Variants in KIAA1217 observed in about 807,000 individuals in gnomAD.
The protein encoded by KIAA1217 is KIAA1217.
A neutral mutation model predicts 163.9 loss-of-function variants in KIAA1217; 88 were observed. That is an observed-to-expected ratio of 0.54 (90% CI 0.45 to 0.64). KIAA1217 has a LOEUF of 0.64. Ranked by LOEUF, KIAA1217 falls within the 30% of genes least tolerant of loss-of-function variation. The probability of loss-of-function intolerance (pLI) is 0.00; values close to 1 mark genes in which losing one functional copy is unlikely to be tolerated. For synonymous variants in KIAA1217, 903 were observed against 923.1 expected (o/e 0.98, Z 0.39); for missense variants, 2,372 against 2,475.0 (o/e 0.96, Z 0.88).
Position 23,831,672 on chromosome 10 carries a change from C to T in KIAA1217, c.-321+136438C>T, listed in dbSNP as rs561568042. ...ATGATAATACATAAAATAAATATCT[C>T]CTCCCCTAACCATATCTTGATCTCC... On this transcript the variant is annotated intron_variant, in intron 1 of 18. Coordinates refer to the KIAA1217 transcript ENST00000376462. Among the ~76,000 whole-genome samples, 5 of 152,180 alleles carry T rather than the reference C, an allele frequency of 3.3e-5. No individual in the cohort carries two copies. In the South Asian group the frequency reaches 1.0e-3, roughly 32 times the overall value.
intron 6 of KIAA1217, among the ~76,000 whole-genome samples, chr10:24,475,173 C>T (rs551118749): frequency 6.6e-6 from 1 of 152,178 alleles, no homozygotes; most frequent in South Asian, 2.1e-4. Context: ...GAGCCAAGAT[C>T]GCACCATCAC....
chr10:24,087,916 G>A (rs933334401), intron 2 of KIAA1217, among the ~76,000 whole-genome samples: 3 of 127,390 alleles, frequency 2.4e-5, no homozygotes, highest in African/African-American at 7.4e-5. Context: ...AGCTGTGGTG[G>A]CCTCCCAAGC....
At chr10:24,067,911 C>T (rs183414339) in intron 2 of KIAA1217, among the ~76,000 whole-genome samples, 21 of 152,244 alleles carry the variant, frequency 1.4e-4, no homozygotes, top group Admixed American at 6.5e-4. Context: ...TAGCAATGAG[C>T]GAGGCTCCAT....
intron 1 of KIAA1217, among the ~76,000 whole-genome samples, chr10:23,800,974 G>T (rs147808384): frequency 6.6e-4 from 101 of 152,052 alleles, no homozygotes; most frequent in Middle Eastern, 3.4e-3. Flanking sequence ...CTCATTATTG[G>T]GTATATACCC....
At chr10:23,907,792 C>G (rs1233299144) in intron 1 of KIAA1217, among the ~76,000 whole-genome samples, 1 of 152,114 alleles carries the variant, frequency 6.6e-6, no homozygotes, top group East Asian at 1.9e-4. Context: ...ATCACTTAAT[C>G]CAGTCAAGTT....
At chr10:23,955,179 C>T (rs538468449) in intron 1 of KIAA1217, among the ~76,000 whole-genome samples, 7 of 152,152 alleles carry the variant, frequency 4.6e-5, no homozygotes, top group African/African-American at 9.7e-5. Flanking sequence ...AGGGGGTAAG[C>T]GGCAGAGCAT....
chr10:24,299,759 C>G (rs184566394), intron 2 of KIAA1217, among the ~76,000 whole-genome samples: 2 of 152,100 alleles, frequency 1.3e-5, no homozygotes, highest in South Asian at 2.1e-4. Context: ...TTTTATGAAG[C>G]CTGTGGATGC....
At chr10:23,845,452 CATT>C (rs1294918104) in intron 1 of KIAA1217, among the ~76,000 whole-genome samples, 3 of 152,136 alleles carry the variant, frequency 2.0e-5, no homozygotes, top group African/African-American at 7.2e-5. Context: ...GATGGTATCT[CATT>C]GTGGTTTTGA....
intron 1 of KIAA1217, among the ~76,000 whole-genome samples, chr10:23,925,331 G>A (rs1842980433): frequency 1.3e-5 from 2 of 152,114 alleles, no homozygotes; most frequent in South Asian, 2.1e-4. Context: ...CCAGGCCCTG[G>A]GTTAGGCACT....
In KIAA1217 at chr10:24,002,014, G is replaced by A. The variant is rs190278813; in HGVS notation, c.-320-5211G>A. On this transcript the variant is annotated intron_variant, in intron 1 of 18. Transcript: ENST00000376462. ...AAGCAACTGCCAGTAGTTCAGCCGT[G>A]AGTTGGGCATTGGATCCCTATGGGG... is the stretch of plus-strand genomic sequence containing the variant. 1.6e-3 allele frequency among the ~76,000 whole-genome samples: 243 copies of A among 152,308 alleles called. 1 individual carries two copies. Among genetic ancestry groups the A allele is most frequent in the Non-Finnish European group, 1.6e-4 (11 of 68,032 alleles).
At chr10:23,986,903 A>G (rs1589190435) in intron 1 of KIAA1217, among the ~76,000 whole-genome samples, 1 of 152,192 alleles carries the variant, frequency 6.6e-6, no homozygotes, top group South Asian at 2.1e-4. Flanking sequence ...GGTATGTATG[A>G]ATACAACGGT....
chr10:24,040,538 A>G (rs555570869), intron 2 of KIAA1217, among the ~76,000 whole-genome samples: 1 of 152,348 alleles, frequency 6.6e-6, no homozygotes, highest in African/African-American at 2.4e-5. Flanking sequence ...GAAGAGTAAA[A>G]GGGCTAGCTT....
intron 3 of KIAA1217, among the ~76,000 whole-genome samples, chr10:24,414,029 T>A (rs931346081): frequency 1.3e-5 from 2 of 152,204 alleles, no homozygotes; most frequent in Admixed American, 6.5e-5. Flanking sequence ...CTAGAGTAAA[T>A]GAAATCCATC....
chr10:24,390,842 G>T (rs2054825410), intron 3 of KIAA1217, among the ~76,000 whole-genome samples: 2 of 152,108 alleles, frequency 1.3e-5, no homozygotes, highest in South Asian at 4.2e-4. Context: ...TTATCAACTA[G>T]GATTTTCATA....
intron 1 of KIAA1217, among the ~76,000 whole-genome samples, chr10:23,881,981 T>G (rs1273967260): frequency 6.6e-6 from 1 of 151,982 alleles, no homozygotes; most frequent in Non-Finnish European, 1.5e-5. Context: ...CTTGTGCTGC[T>G]TATCTCTTTC....
At chr10:23,856,981 G>A (rs973790601) in intron 1 of KIAA1217, among the ~76,000 whole-genome samples, 51 of 152,302 alleles carry the variant, frequency 3.3e-4, no homozygotes, top group East Asian at 7.7e-4. Context: ...GCAATGCCTC[G>A]CCCTGCTTTG....
chr10:24,444,043 ACT>A (rs2132110626), intron 5 of KIAA1217, among the ~76,000 whole-genome samples: 1 of 151,706 alleles, frequency 6.6e-6, no homozygotes, highest in South Asian at 2.1e-4. Context: ...ACAGAGTCTC[ACT>A]CTGTCACCGG....
intron 2 of KIAA1217, among the ~76,000 whole-genome samples, chr10:24,178,557 T>C (rs1341763158): frequency 1.3e-5 from 2 of 152,230 alleles, no homozygotes; most frequent in Non-Finnish European, 2.9e-5. Flanking sequence ...ATATATTAGA[T>C]TGTACCATTT....
At chr10:24,321,241 G>A (rs933495871) in intron 2 of KIAA1217, among the ~76,000 whole-genome samples, 1 of 151,920 alleles carries the variant, frequency 6.6e-6, no homozygotes, top group Admixed American at 6.6e-5. Flanking sequence ...ATTCACAATT[G>A]CCAAGGGATA....
Sources: gnomAD v4.1 joint callset for allele counts (sites outside exome capture counted in the v4.1 genomes callset) on GRCh38, gnomAD v4.1.1 for gene constraint, MANE v1.5 for transcripts, NCBI Gene and HGNC (gene_info 2026-07-23, HGNC 2026-07-21) for gene names.